LZTS1: variants seen among roughly 807,000 people sequenced by gnomAD.
LZTS1 encodes leucine zipper tumor suppressor 1.
LZTS1 carries 31 observed loss-of-function variants against 45.8 expected under a neutral mutation model. The observed-to-expected ratio is 0.68, with a 90% CI of 0.51 to 0.91. The LOEUF (loss-of-function observed/expected upper bound fraction) is 0.91, where lower values mean the gene tolerates loss of function less well. Among genes scored for constraint, LZTS1 ranks in the 40% least tolerant of loss-of-function variants. LZTS1 has a pLI of 0.00. For missense variants in LZTS1, 821 were observed against 788.9 expected (o/e 1.04, Z -0.49); for synonymous variants, 359 against 357.3 (o/e 1.00, Z -0.05).
chr8:20,269,271 C>T (rs890596334), intron 1 of LZTS1, among the ~76,000 whole-genome samples: 8 of 152,170 alleles, frequency 5.3e-5, no homozygotes, highest in Non-Finnish European at 1.0e-4. Flanking sequence ...TCTGACGACC[C>T]GTGATACAGA....
chr8:20,298,352 G>A (rs940301946), intron 1 of LZTS1, among the ~76,000 whole-genome samples: 5 of 152,088 alleles, frequency 3.3e-5, no homozygotes, highest in African/African-American at 4.8e-5. Context: ...ATGAGCCACC[G>A]TGCCCAGCCC....
chr8:20,303,883 T>C lies in LZTS1; in HGVS notation c.-278A>G. The C allele has an allele frequency of 1.0e-6, 1 of 984,296 alleles. No individual in the cohort carries two copies. Among genetic ancestry groups the C allele is most frequent in the East Asian group, 1.1e-4 (1 of 8,772 alleles). The allele number at this position is 984,296 out of a possible 1,614,324, so 61.0% of individuals were successfully genotyped here. The stretch of plus-strand genomic sequence containing the variant: ...GATGCAGCTCCCGGCTCCCACTCAC[T>C]GGCCGAGGCGGGCAGAGAAACTTTC... On this transcript the variant is annotated 5_prime_UTR_variant, in exon 1 of 4. Transcript: ENST00000381569.
In LZTS1 at chr8:20,253,253, G is replaced by A; in HGVS notation, c.678C>T (p.Ser226=). 2 of 1,614,094 alleles carry A rather than the reference G, an allele frequency of 1.2e-6. No homozygotes were observed. Among genetic ancestry groups the A allele is most frequent in the Non-Finnish European group, 1.7e-6 (2 of 1,180,040 alleles). Residue 226 remains serine (S), a synonymous_variant, in exon 3 of 4, where the codon AGC becomes AGT. Coordinates refer to ENST00000381569, the MANE Select transcript of LZTS1 (RefSeq NM_021020.5). ...CGTCGGAGAAGGACAGAGCCTTCAG[G>A]CTCATCATGTTGCTGTCCTGGAGGA... is the stretch of plus-strand genomic sequence containing the variant. The part of the protein sequence containing the change: ...GIVLQDSNMM[S]LKALSFSDGG...
chr8:20,269,671 A>G (rs980792158), intron 1 of LZTS1, among the ~76,000 whole-genome samples: 1 of 152,192 alleles, frequency 6.6e-6, no homozygotes, highest in African/African-American at 2.4e-5. Flanking sequence ...AGGGGAGTGG[A>G]GCTGCTGTGA....
At chr8:20,256,879 T>A (rs1337454726) in intron 1 of LZTS1, among the ~76,000 whole-genome samples, 1 of 151,734 alleles carries the variant, frequency 6.6e-6, no homozygotes, top group Non-Finnish European at 1.5e-5. Context: ...CTAGATGGGG[T>A]CACCAAAGAG....
chr8:20,300,016 G>A (rs569904967), intron 1 of LZTS1, among the ~76,000 whole-genome samples: 12 of 152,162 alleles, frequency 7.9e-5, no homozygotes, highest in Non-Finnish European at 1.5e-4. Flanking sequence ...ACCTAGAATG[G>A]TCCCCTTCCA....
At chr8:20,255,438 C>G (rs896521654) in intron 1 of LZTS1, 123 bp from the exon 2 acceptor site, 3 of 571,632 alleles carry the variant, frequency 5.2e-6, no homozygotes, top group Non-Finnish European at 8.4e-6. Context: ...GTCTCCACCA[C>G]CGGGTGCTCC....
intron 1 of LZTS1, among the ~76,000 whole-genome samples, chr8:20,257,692 T>G (rs1311244764): frequency 6.9e-6 from 1 of 145,862 alleles, no homozygotes; most frequent in African/African-American, 2.5e-5. Context: ...TTTTTTGAGA[T>G]AGAGTCTCAC....
chr8:20,300,997 T>A (rs1801065841), intron 1 of LZTS1, among the ~76,000 whole-genome samples: 1 of 151,970 alleles, frequency 6.6e-6, no homozygotes, highest in African/African-American at 2.4e-5. Flanking sequence ...GGCAGGCGCC[T>A]ATAGTCCCAG....
intron 1 of LZTS1, among the ~76,000 whole-genome samples, chr8:20,264,105 T>A (rs1295014594): frequency 2.0e-5 from 3 of 152,224 alleles, no homozygotes; most frequent in African/African-American, 4.8e-5. Flanking sequence ...TATTTTAACG[T>A]CTATGAATGC....
intron 1 of LZTS1, among the ~76,000 whole-genome samples, chr8:20,277,383 A>C (rs1800605887): frequency 6.6e-6 from 1 of 152,208 alleles, no homozygotes; most frequent in African/African-American, 2.4e-5. Context: ...GCATATAATC[A>C]AGAAATAACT....
intron 1 of LZTS1, among the ~76,000 whole-genome samples, chr8:20,272,745 T>G (rs757777231): frequency 6.6e-6 from 1 of 152,202 alleles, no homozygotes; most frequent in Non-Finnish European, 1.5e-5. Context: ...GACTGCTGCC[T>G]CCTCTGTGCC....
intron 1 of LZTS1, among the ~76,000 whole-genome samples, chr8:20,265,965 C>T (rs1326211820): frequency 6.6e-6 from 1 of 152,112 alleles, no homozygotes; most frequent in Non-Finnish European, 1.5e-5. Flanking sequence ...AGCACTAAAG[C>T]TTCTTTGTAT....
intron 1 of LZTS1, among the ~76,000 whole-genome samples, chr8:20,301,120 C>CAA (rs71222143): frequency 0.012 from 1,265 of 106,702 alleles, 28 homozygotes; most frequent in East Asian, 0.028. Flanking sequence ...GACTCCGTCT[C>CAA]AAAAAAAAAA....
chr8:20,283,603 C>G (rs922158510), intron 1 of LZTS1, among the ~76,000 whole-genome samples: 2 of 152,168 alleles, frequency 1.3e-5, no homozygotes, highest in Admixed American at 6.5e-5. Context: ...TCCAAGCAGA[C>G]AGCCTGTTTC....
chr8:20,295,875 C>T (rs1044759588), intron 1 of LZTS1, among the ~76,000 whole-genome samples: 1 of 152,192 alleles, frequency 6.6e-6, no homozygotes, highest in Non-Finnish European at 1.5e-5. Context: ...TCCAGTGTCA[C>T]TGGGGTCACC....
chr8:20,259,456 G>C (rs1800179532), intron 1 of LZTS1, among the ~76,000 whole-genome samples: 1 of 152,066 alleles, frequency 6.6e-6, no homozygotes, highest in South Asian at 2.1e-4. Context: ...TCTCACCTGG[G>C]CCTTGAAGGA....
intron 1 of LZTS1, among the ~76,000 whole-genome samples, chr8:20,291,955 G>T (rs1334861052): frequency 6.6e-6 from 1 of 152,178 alleles, no homozygotes; most frequent in Non-Finnish European, 1.5e-5. Context: ...TTCTGAGACT[G>T]CCAGCCAGGT....
At chr8:20,274,310 T>A (rs1800531756) in intron 1 of LZTS1, among the ~76,000 whole-genome samples, 2 of 152,228 alleles carry the variant, frequency 1.3e-5, no homozygotes, top group African/African-American at 4.8e-5. Context: ...ATGGTGCCTA[T>A]GTTCTACCAG....
Sources: allele counts gnomAD v4.1 joint callset (sites outside exome capture counted in the v4.1 genomes callset), GRCh38; gene constraint gnomAD v4.1.1; transcripts MANE v1.5; gene names NCBI Gene and HGNC (gene_info 2026-07-23, HGNC 2026-07-21).